The following AIM2 variants were observed in gnomAD, a reference collection of about 807,000 sequenced individuals.
The protein encoded by AIM2 is interferon-inducible protein AIM2.
Under a neutral mutation model 27.7 loss-of-function variants are expected in AIM2, and 30 were observed. That is an observed-to-expected ratio of 1.08 (90% CI 0.81 to 1.47). AIM2 has a LOEUF of 1.47. Among genes scored for constraint, AIM2 ranks in the 40% most tolerant of loss-of-function variants. The pLI is 0.00. For missense variants in AIM2, 358 were observed against 411.3 expected (o/e 0.87, Z 1.12); for synonymous variants, 141 against 145.3 (o/e 0.97, Z 0.21).
upstream of AIM2, among the ~76,000 whole-genome samples, chr1:159,144,137 CAG>C (rs1406122172): frequency 6.6e-6 from 1 of 152,158 alleles, no homozygotes; most frequent in Non-Finnish European, 1.5e-5. Flanking sequence ...TTTCATGAGG[CAG>C]AGTGTTTGTC....
At chr1:159,098,461 C>T (rs1011726605) in intron 1 of AIM2, among the ~76,000 whole-genome samples, 4 of 151,014 alleles carry the variant, frequency 2.6e-5, no homozygotes, top group Non-Finnish European at 5.9e-5. Flanking sequence ...ATGCTAGCCA[C>T]ATTCCAAGTG....
chr1:159,126,348 T>A (rs910468197), intron 1 of AIM2, among the ~76,000 whole-genome samples: 7 of 152,086 alleles, frequency 4.6e-5, no homozygotes, highest in Non-Finnish European at 7.4e-5. Flanking sequence ...GAAAATGTAA[T>A]CTAAAATTGA....
intron 1 of AIM2, among the ~76,000 whole-genome samples, chr1:159,134,485 A>G (rs1202652867): frequency 6.6e-6 from 1 of 152,208 alleles, no homozygotes; most frequent in African/African-American, 2.4e-5. Context: ...CTCCAATTTC[A>G]CTTCATGCGG....
intron 1 of AIM2, among the ~76,000 whole-genome samples, chr1:159,111,352 AGAC>A (rs1021068415): frequency 4.6e-5 from 7 of 152,240 alleles, no homozygotes; most frequent in African/African-American, 1.7e-4. Context: ...AAAGCAAAAT[AGAC>A]GTTGTTATTT....
chr1:159,071,852 T>C lies in AIM2; in HGVS notation c.262+1386A>G, dbSNP rs184433305. 1.8e-3 allele frequency among the ~76,000 whole-genome samples: 276 copies of C among 152,326 alleles called. 1 individual carries two copies. The highest frequency in any genetic ancestry group is 3.1e-3 in the Non-Finnish European group (214 of 68,026). On this transcript the variant is annotated intron_variant, in intron 2 of 5. Transcript: ENST00000368130. ...TCCTACAACTGTTACATTTGGAGACTCTCATTTGGGAGAGTCCTTGGATAA... is the reference window on the plus strand; with the variant it reads ...TCCTACAACTGTTACATTTGGAGACCCTCATTTGGGAGAGTCCTTGGATAA...
downstream of AIM2, among the ~76,000 whole-genome samples, chr1:159,062,134 C>T (rs999881192): frequency 6.6e-6 from 1 of 152,006 alleles, no homozygotes; most frequent in African/African-American, 2.4e-5. Flanking sequence ...ATGTGCAAGC[C>T]TAGTTTTGGC....
chr1:159,128,260 T>TAC (rs35254795), intron 1 of AIM2, among the ~76,000 whole-genome samples: 45,913 of 147,650 alleles, frequency 0.31, 6,949 homozygotes, highest in East Asian at 0.38. Context: ...TGCCAAGGCT[T>TAC]ACACACACAC....
downstream of AIM2, among the ~76,000 whole-genome samples, chr1:159,059,285 T>G (rs111503405): frequency 1.3e-5 from 2 of 151,918 alleles, no homozygotes; most frequent in Non-Finnish European, 2.9e-5. Context: ...CACACACACA[T>G]ATATATATCT....
chr1:159,088,443 T>TG (rs1229419598), intron 1 of AIM2, among the ~76,000 whole-genome samples: 1 of 152,160 alleles, frequency 6.6e-6, no homozygotes. Flanking sequence ...CCCAATTCAA[T>TG]ATCAAAACAT....
intron 1 of AIM2, among the ~76,000 whole-genome samples, chr1:159,135,733 G>A (rs899680293): frequency 5.3e-5 from 8 of 152,194 alleles, no homozygotes; most frequent in African/African-American, 1.9e-4. Flanking sequence ...ATGTAGCAAA[G>A]GAAGACAAGT....
At chr1:159,075,424 G>A (rs1312749091) in intron 1 of AIM2, among the ~76,000 whole-genome samples, 5 of 151,748 alleles carry the variant, frequency 3.3e-5, no homozygotes, top group Non-Finnish European at 5.9e-5. Flanking sequence ...TTTGTCAAAT[G>A]TGATTGCATG....
chr1:159,090,979 G>GT (rs1379346469), intron 1 of AIM2, among the ~76,000 whole-genome samples: 1 of 152,086 alleles, frequency 6.6e-6, no homozygotes, highest in Admixed American at 6.6e-5. Context: ...TTCTTCCTGA[G>GT]TAACTTCCTA....
chr1:159,091,044 G>C (rs1306313096), intron 1 of AIM2, among the ~76,000 whole-genome samples: 1 of 152,094 alleles, frequency 6.6e-6, no homozygotes, highest in Non-Finnish European at 1.5e-5. Flanking sequence ...AGAATGAAGG[G>C]GCAGGCTGTA....
upstream of AIM2, among the ~76,000 whole-genome samples, chr1:159,142,067 C>T (rs532105447): frequency 2.4e-4 from 36 of 152,318 alleles, no homozygotes; most frequent in African/African-American, 8.2e-4. Flanking sequence ...CCTCCACCCC[C>T]ACTCCCTCAC....
At chr1:159,058,089 C>T (rs116575881), downstream of AIM2, among the ~76,000 whole-genome samples, 3 of 152,306 alleles carry the variant, frequency 2.0e-5, no homozygotes, top group African/African-American at 4.8e-5. Flanking sequence ...CACGGTGGCT[C>T]ATGCCTCTAG....
At chr1:159,087,648 C>T (rs996170715) in intron 1 of AIM2, among the ~76,000 whole-genome samples, 1 of 148,808 alleles carries the variant, frequency 6.7e-6, no homozygotes, top group African/African-American at 2.5e-5. Flanking sequence ...TCTCGGCTCA[C>T]TGCAACCTCT....
intron 1 of AIM2, among the ~76,000 whole-genome samples, chr1:159,136,472 C>A (rs904240156): frequency 4.6e-5 from 7 of 152,144 alleles, no homozygotes; most frequent in African/African-American, 1.7e-4. Context: ...AGCGAGACCT[C>A]AGATTCAGAC....
chr1:159,066,478 G>A (rs1272846070), intron 3 of AIM2, 149 bp from the exon 4 acceptor site: 1 of 790,980 alleles, frequency 1.3e-6, no homozygotes. Context: ...GAAGAGAGTT[G>A]AGGCCTAGAA....
chr1:159,128,912 C>A (rs1647797815), intron 1 of AIM2, among the ~76,000 whole-genome samples: 1 of 152,176 alleles, frequency 6.6e-6, no homozygotes, highest in African/African-American at 2.4e-5. Flanking sequence ...TGTTACCTCA[C>A]AGAAATTATC....
Sources: allele counts gnomAD v4.1 joint callset (sites outside exome capture counted in the v4.1 genomes callset), GRCh38; gene constraint gnomAD v4.1.1; transcripts MANE v1.5; gene names NCBI Gene and HGNC (gene_info 2026-07-23, HGNC 2026-07-21).